The following CNOT1 variants were observed in gnomAD, a reference collection of about 807,000 sequenced individuals.
The protein encoded by CNOT1 is CCR4-associated factor 1.
In CNOT1, 15 loss-of-function variants were observed where a neutral mutation model predicts 273.8. The observed-to-expected ratio is 0.05, with a 90% confidence interval of 0.04 to 0.08. The LOEUF is 0.08. Among genes scored for constraint, CNOT1 ranks in the 10% least tolerant of loss-of-function variants. The probability of loss-of-function intolerance (pLI) is 1.00; values close to 1 mark genes in which losing one functional copy is unlikely to be tolerated. For synonymous variants in CNOT1, 1,022 were observed against 1,005.5 expected, an observed-to-expected ratio of 1.02 and a Z score of -0.31; for missense variants, 1,644 against 2,912.2, an observed-to-expected ratio of 0.56 and a Z score of 10.02.
intron 34 of CNOT1, among the ~76,000 whole-genome samples, chr16:58,540,799 T>A (rs1207334429): frequency 6.6e-6 from 1 of 151,878 alleles, no homozygotes; most frequent in Admixed American, 6.6e-5. Flanking sequence ...TCAGGAGCGA[T>A]GGGGGTATCA....
intron 29 of CNOT1, among the ~76,000 whole-genome samples, 190 bp from the exon 30 acceptor site, chr16:58,545,681 G>A (rs141290092): frequency 6.6e-6 from 1 of 152,238 alleles, no homozygotes; most frequent in African/African-American, 2.4e-5. Context: ...AGATATACAC[G>A]AAGTATGTTA....
chr16:58,528,479 A>G lies in CNOT1; in HGVS notation c.6449T>C (p.Leu2150Pro). The change falls in exon 44 of 49, where the codon CTA (leucine) becomes CCA (proline). Residue 2150 changes from leucine to proline, a missense_variant. Physicochemically the swap from Leu to Pro is moderately conservative, Grantham distance 98. Coordinates refer to ENST00000317147, the MANE Select transcript of CNOT1 (RefSeq NM_016284.5). ...MRLPDPFTPNLKVDMLSEINI... is the reference protein window; with the variant it reads ...MRLPDPFTPNPKVDMLSEINI... ...TTTAACTAGTTGGAACCTTACCTTT[A>G]GATTAGGAGTGAATGGGTCGGGGAG... is the stretch of plus-strand genomic sequence containing the variant. The G allele has an allele frequency of 6.2e-7, 1 of 1,609,264 alleles. No individual in the cohort carries two copies. Among genetic ancestry groups the G allele is most frequent in the Non-Finnish European group, 8.5e-7 (1 of 1,177,358 alleles).
At chr16:58,619,078 TC>T (rs1258788702) in intron 1 of CNOT1, among the ~76,000 whole-genome samples, 6 of 151,882 alleles carry the variant, frequency 4.0e-5, no homozygotes, top group Admixed American at 2.6e-4. Context: ...ACACCTGTAG[TC>T]CCAGCCACTG....
intron 40 of CNOT1, chr16:58,532,646 A>G (rs550665342): frequency 1.6e-5 from 8 of 494,724 alleles, no homozygotes; most frequent in Admixed American, 7.1e-5. Flanking sequence ...CAAATGCCCA[A>G]TGGTTCTTCT....
Position 58,521,290 on chromosome 16 carries a change from A to G in CNOT1, c.6945T>C (p.Asn2315=). 1 of 1,612,876 alleles carries G rather than the reference A, an allele frequency of 6.2e-7. No individual in the cohort carries two copies. The highest frequency in any genetic ancestry group is 1.1e-5 in the South Asian group (1 of 90,610). Residue 2315 remains asparagine, a synonymous_variant, in exon 48 of 49, where the codon AAT becomes AAC. Coordinates refer to ENST00000317147, the MANE Select transcript of CNOT1 (RefSeq NM_016284.5). The part of the protein sequence containing the change: ...TRVLLERLIV[N]RPHPWGLLIT... ...TAAGAAGACCCCAAGGATGTGGCCT[A>G]TTTACAATCAACCGTTCCAAGAGAA...
intron 24 of CNOT1, 139 bp from the exon 25 acceptor site, chr16:58,550,037 G>A (rs1316865904): frequency 7.6e-7 from 1 of 1,312,444 alleles, no homozygotes; most frequent in Non-Finnish European, 1.0e-6. Context: ...CTTCACACCA[G>A]ATAGATGCTA....
At position 58,534,334 on chromosome 16, in the gene CNOT1, G is replaced by A. The variant is rs1046230036; in HGVS notation, c.5708C>T (p.Thr1903Ile). 2 of 1,613,990 alleles carry A rather than the reference G, an allele frequency of 1.2e-6. No homozygotes were observed. Among genetic ancestry groups the A allele is most frequent in the African/African-American group, 1.3e-5 (1 of 74,894 alleles). The stretch of plus-strand genomic sequence containing the variant: ...GTAACTGATTTCAACACACATTTCA[G>A]TACACAGACGAAAGAACCTTGTTAT... ...DLITRFFRLC[T>I]EMCVEISYRA... is the part of the protein sequence containing the mutation. The change falls in exon 40 of 49, where the codon ACT (threonine) becomes ATT (isoleucine). Residue 1903 changes from threonine (T) to isoleucine (I), a missense_variant. Coordinates refer to ENST00000317147, the MANE Select transcript of CNOT1 (RefSeq NM_016284.5).
At chr16:58,611,569 C>T (rs2042900572) in intron 1 of CNOT1, among the ~76,000 whole-genome samples, 1 of 152,072 alleles carries the variant, frequency 6.6e-6, no homozygotes. Context: ...GCCTGTAATC[C>T]CAACACTTTG....
chr16:58,536,968 C>T (rs1397893748), intron 39 of CNOT1, 21 bp downstream of exon 39: 1 of 1,612,128 alleles, frequency 6.2e-7, no homozygotes, highest in Non-Finnish European at 8.5e-7. Context: ...TAAAAAGCAC[C>T]TTTCTTTCCA....
At chr16:58,588,484 A>G (rs966214686) in intron 3 of CNOT1, among the ~76,000 whole-genome samples, 8 of 152,124 alleles carry the variant, frequency 5.3e-5, no homozygotes, top group Non-Finnish European at 1.0e-4. Context: ...ATGGGGAATA[A>G]AGCTAGAGAT....
rs564422873 is a variant in CNOT1 at position 58,524,804 on chromosome 16, G to A, written c.6784+375C>T. 5.3e-5 allele frequency among the ~76,000 whole-genome samples: 8 copies of A among 152,188 alleles called. No homozygotes were observed. In the East Asian group the frequency reaches 1.2e-3, roughly 22 times the overall value. On this transcript the variant is annotated intron_variant, in intron 46 of 48. Transcript: ENST00000317147. The stretch of plus-strand genomic sequence containing the variant: ...GTCCTATTCATTAATCTTTATACAT[G>A]AACATTTAACAAGATGCCTGCCAAA...
intron 47 of CNOT1, 40 bp downstream of exon 47, chr16:58,523,330 G>A (rs1470293661): frequency 6.5e-7 from 1 of 1,532,918 alleles, no homozygotes; most frequent in Non-Finnish European, 8.8e-7. Context: ...AAAGGGAGGA[G>A]ATCCTTTTGA....
rs1409481704 is a variant in CNOT1, at chr16:58,575,017, C to T, written c.1817G>A (p.Arg606Gln). 7 of 1,613,844 alleles carry T rather than the reference C, an allele frequency of 4.3e-6. No individual in the cohort carries two copies. The highest frequency in any genetic ancestry group is 1.3e-5 in the African/African-American group (1 of 75,030). ...ACAAATCCTGCTTACCCCATGCTCT[C>T]GAATTTTATCTGTGAGCCACTTATC... ...KLDKWLTDKIREHGEPFIQAC... is the reference protein window; with the variant it reads ...KLDKWLTDKIQEHGEPFIQAC... Residue 606 changes from arginine to glutamine, a missense_variant, in exon 15 of 49, where the codon CGA becomes CAA. By Grantham distance (43) the Arg-to-Gln change is conservative. Coordinates refer to ENST00000317147, the MANE Select transcript of CNOT1 (RefSeq NM_016284.5).
chr16:58,621,827 CA>C (rs2043331423), intron 1 of CNOT1, among the ~76,000 whole-genome samples: 1 of 146,186 alleles, frequency 6.8e-6, no homozygotes, highest in Non-Finnish European at 1.5e-5. Context: ...AGGAGAATGG[CA>C]TGAACCCGGG....
In CNOT1 at chr16:58,585,388, C is replaced by T. The variant is rs1295498021; in HGVS notation, c.756G>A (p.Glu252=). 1.2e-6 allele frequency: 2 copies of T among 1,613,890 alleles called. No homozygotes were observed. The highest frequency in any genetic ancestry group is 3.3e-5 in the Admixed American group (2 of 60,008). ...CTTGCATGAAATCAGCCAAAGAGCT[C>T]TCCATCATGGTTTTAGCTACCCCTC... ...DSGGVAKTMM[E]SSLADFMQEV... is the part of the protein sequence containing the mutation. The change falls in exon 8 of 49, where the codon GAG becomes GAA. Residue 252 remains glutamate, a synonymous_variant. Transcript: ENST00000317147.
intron 39 of CNOT1, among the ~76,000 whole-genome samples, chr16:58,536,526 G>C (rs1430194787): frequency 6.6e-6 from 1 of 152,052 alleles, no homozygotes; most frequent in African/African-American, 2.4e-5. Context: ...ATACTGGGAA[G>C]TATTTTCCAA....
chr16:58,581,133 A>T (rs1207018561), intron 11 of CNOT1, among the ~76,000 whole-genome samples: 1 of 151,614 alleles, frequency 6.6e-6, no homozygotes, highest in African/African-American at 2.4e-5. Context: ...AACTATTGGG[A>T]AAACACCTTG....
chr16:58,621,170 C>A (rs1442211357), intron 1 of CNOT1, among the ~76,000 whole-genome samples: 1 of 152,044 alleles, frequency 6.6e-6, no homozygotes, highest in African/African-American at 2.4e-5. Context: ...TCATATTGCC[C>A]AGGGTGGTCT....
At chr16:58,591,385 CTTAA>C (rs1302186576) in intron 2 of CNOT1, among the ~76,000 whole-genome samples, 4 of 152,194 alleles carry the variant, frequency 2.6e-5, no homozygotes, top group Non-Finnish European at 4.4e-5. Context: ...TTCTGTAACT[CTTAA>C]TTTTTTTCCC....
Sources: gnomAD v4.1 joint callset for allele counts (sites outside exome capture counted in the v4.1 genomes callset) on GRCh38, gnomAD v4.1.1 for gene constraint, MANE v1.5 for transcripts, NCBI Gene and HGNC (gene_info 2026-07-23, HGNC 2026-07-21) for gene names.